Variants in PCNX2 observed in about 807,000 individuals in gnomAD.
PCNX2 encodes the protein pecanex 2.
In PCNX2, 168 loss-of-function variants were observed where a neutral mutation model predicts 223.8. The ratio of observed to expected loss-of-function variants is 0.75; its 90% CI spans 0.66 to 0.85. The LOEUF is 0.85. Among genes scored for constraint, PCNX2 ranks in the 40% least tolerant of loss-of-function variants. The pLI, the probability that PCNX2 is intolerant of heterozygous loss-of-function variation, is 0.00. For missense variants in PCNX2, 2,507 were observed against 2,675.5 expected (o/e 0.94, Z 1.39); for synonymous variants, 1,006 against 1,052.6 (o/e 0.96, Z 0.86).
chr1:233,078,028 A>G (rs1454873353), intron 23 of PCNX2, among the ~76,000 whole-genome samples: 1 of 152,256 alleles, frequency 6.6e-6, no homozygotes, highest in African/African-American at 2.4e-5. Flanking sequence ...ACCAAGAAGC[A>G]GCAACTCTAT....
At chr1:233,147,486 G>A (rs1002757473) in intron 19 of PCNX2, among the ~76,000 whole-genome samples, 9 of 152,130 alleles carry the variant, frequency 5.9e-5, no homozygotes, top group African/African-American at 2.2e-4. Flanking sequence ...AAGAGGAGGG[G>A]GTAGTCCTGC....
At position 233,262,112 on chromosome 1, in the gene PCNX2, G is replaced by A; in HGVS notation, c.413C>T (p.Ser138Phe). 1.2e-6 allele frequency: 2 copies of A among 1,613,872 alleles called. No individual in the cohort carries two copies. The highest frequency in any genetic ancestry group is 1.7e-6 in the Non-Finnish European group (2 of 1,179,794). Residue 138 changes from serine to phenylalanine, a missense_variant, in exon 3 of 34, where the codon TCC becomes TTC. Physicochemically the swap from Ser to Phe is radical, Grantham distance 155 (BLOSUM62 -2). This residue lies in a region of PCNX2 where 1,031 missense variants were observed against 1,021.7 expected (regional missense o/e 1.01). Transcript: ENST00000258229. Reference sequence around the variant, plus strand: ...GGAGCTGCAGCGGAGGGGAGGCGTGGAGAGGTTTCGACTGGCCTCTTCCTT... The same window carrying A: ...GGAGCTGCAGCGGAGGGGAGGCGTGAAGAGGTTTCGACTGGCCTCTTCCTT... ...GKKEEASRNL[S>F]TPPLRCSSRG...
intron 8 of PCNX2, among the ~76,000 whole-genome samples, chr1:233,240,511 T>A (rs1307237965): frequency 6.6e-6 from 1 of 152,220 alleles, no homozygotes; most frequent in East Asian, 1.9e-4. Context: ...ATCCCAAGCC[T>A]GTAGTAACTA....
intron 15 of PCNX2, among the ~76,000 whole-genome samples, chr1:233,194,071 A>C (rs1014836907): frequency 8.2e-6 from 1 of 122,316 alleles, no homozygotes; most frequent in Non-Finnish European, 1.9e-5. Context: ...AGTAAAATAA[A>C]AAAAAAAAAC....
In PCNX2 at chr1:233,000,022, C is replaced by T. The variant is rs1182422296; in HGVS notation, c.5328+283G>A. ...TCTTTACAAATAAGCTATATCCTGA[C>T]TCTCACTTACATGTGTGTCTACTGG... On this transcript the variant is annotated intron_variant, in intron 30 of 33. Coordinates refer to ENST00000258229, the MANE Select transcript of PCNX2 (RefSeq NM_014801.4). This position sits in a 1 kb window ranked among gnomAD's most constrained non-coding sequence, Gnocchi z 4.6. Among the ~76,000 whole-genome samples, 1 of 152,240 alleles carries T rather than the reference C, an allele frequency of 6.6e-6. No homozygotes were observed. Among genetic ancestry groups the T allele is most frequent in the Non-Finnish European group, 1.5e-5 (1 of 68,040 alleles).
At chr1:233,263,284 T>A in intron 1 of PCNX2, 121 bp from the exon 2 acceptor site, 1 of 857,562 alleles carries the variant, frequency 1.2e-6, no homozygotes, top group Non-Finnish European at 1.7e-6. Context: ...CAAATTAGAC[T>A]AATTTTTTAA....
intron 14 of PCNX2, 91 bp from the exon 15 acceptor site, chr1:233,199,121 A>T (rs1456215230): frequency 8.4e-7 from 1 of 1,185,644 alleles, no homozygotes; most frequent in East Asian, 2.6e-5. Flanking sequence ...GCACATTCGC[A>T]TACAAGATGC....
chr1:233,087,852 C>T (rs1353617742), intron 23 of PCNX2, among the ~76,000 whole-genome samples: 1 of 152,114 alleles, frequency 6.6e-6, no homozygotes, highest in Non-Finnish European at 1.5e-5. Context: ...TTGTACATAC[C>T]CACAGACCCT....
chr1:233,295,300 C>G lies in PCNX2; in HGVS notation c.153+26G>C, dbSNP rs1662014584. On this transcript the variant is annotated intron_variant, in intron 1 of 33. Transcript: ENST00000258229. The surrounding 1 kb of genome is among the most constrained non-coding windows in gnomAD (Gnocchi z 4.1). ...CTTCTTCCCTCCATACCCACAGCTC[C>G]CCGGGACCGGACCCTCCCCACTCAC... 1 of 1,569,004 alleles carries G rather than the reference C, an allele frequency of 6.4e-7. No individual in the cohort carries two copies. The highest frequency in any genetic ancestry group is 1.9e-5 in the Admixed American group (1 of 53,702).
chr1:233,039,926 TA>T (rs1671584470), intron 25 of PCNX2, among the ~76,000 whole-genome samples: 1 of 152,234 alleles, frequency 6.6e-6, no homozygotes, highest in Non-Finnish European at 1.5e-5. Flanking sequence ...TAATCTCTAT[TA>T]TTTTTTGTTT....
intron 23 of PCNX2, among the ~76,000 whole-genome samples, chr1:233,083,038 T>G (rs1673431461): frequency 6.6e-6 from 1 of 152,166 alleles, no homozygotes; most frequent in South Asian, 2.1e-4. Context: ...AAGATCAGGA[T>G]GAAGAAGGGT....
At chr1:233,078,718 T>C (rs1301518887) in intron 23 of PCNX2, among the ~76,000 whole-genome samples, 2 of 152,214 alleles carry the variant, frequency 1.3e-5, no homozygotes, top group Non-Finnish European at 2.9e-5. Context: ...TACACTATTC[T>C]GCACTTTTCA....
At chr1:233,311,969 G>A in the PCNX2 span, among the ~76,000 whole-genome samples, 3 of 151,862 alleles carry the variant, frequency 2.0e-5, no homozygotes, top group African/African-American at 7.3e-5. Context: ...TCTACTAAAT[G>A]TACAAAAATT....
chr1:233,144,365 C>T (rs1257659553), intron 19 of PCNX2, among the ~76,000 whole-genome samples: 2 of 152,000 alleles, frequency 1.3e-5, no homozygotes, highest in African/African-American at 4.8e-5. Context: ...AAGTTTACTC[C>T]AGTCATCAAA....
chr1:233,220,316 G>A (rs1657288779), intron 10 of PCNX2, among the ~76,000 whole-genome samples: 1 of 152,212 alleles, frequency 6.6e-6, no homozygotes, highest in Non-Finnish European at 1.5e-5. Flanking sequence ...ATGATTGTTA[G>A]ATCGTGTGGT....
chr1:233,194,768 G>A (rs908965230), intron 15 of PCNX2, among the ~76,000 whole-genome samples: 4 of 152,104 alleles, frequency 2.6e-5, no homozygotes, highest in African/African-American at 7.2e-5. Flanking sequence ...TGCAATCCCA[G>A]CACTTTGGGA....
intron 21 of PCNX2, among the ~76,000 whole-genome samples, chr1:233,100,311 A>G (rs927582960): frequency 1.3e-5 from 2 of 151,130 alleles, no homozygotes; most frequent in Non-Finnish European, 2.9e-5. Context: ...CCAGCTACTC[A>G]GGAGGCTGAG....
chr1:233,138,061 T>C (rs1450583758), intron 20 of PCNX2, among the ~76,000 whole-genome samples: 1 of 152,174 alleles, frequency 6.6e-6, no homozygotes, highest in African/African-American at 2.4e-5. Flanking sequence ...GTTGGTCTAG[T>C]AGGGTGCCTG....
intron 23 of PCNX2, among the ~76,000 whole-genome samples, chr1:233,073,560 T>C (rs1159406936): frequency 6.6e-6 from 1 of 151,086 alleles, no homozygotes; most frequent in Non-Finnish European, 1.5e-5. Flanking sequence ...AGCCTCTGAG[T>C]AGCTAGGATT....
Sources: gnomAD v4.1 joint callset for allele counts (sites outside exome capture counted in the v4.1 genomes callset) on GRCh38, gnomAD v4.1.1 for gene constraint, gnomAD v4.1.1 regional missense constraint, Gnocchi (gnomAD v3.1) non-coding constraint, MANE v1.5 for transcripts, NCBI Gene and HGNC (gene_info 2026-07-23, HGNC 2026-07-21) for gene names.